USP24: variants seen among roughly 807,000 people sequenced by gnomAD.
USP24 encodes ubiquitin carboxyl-terminal hydrolase 24.
USP24 carries 97 observed loss-of-function variants against 361.6 expected under a neutral mutation model. The observed-to-expected ratio is 0.27, with a 90% CI of 0.23 to 0.32. The LOEUF is 0.32. USP24 is among the 10% of genes least tolerant of loss of function. USP24 has a pLI of 1.00. For missense variants in USP24, 2,353 were observed against 3,165.6 expected, an observed-to-expected ratio of 0.74 and a Z score of 6.16; for synonymous variants, 1,098 against 1,124.6, an observed-to-expected ratio of 0.98 and a Z score of 0.47.
At chr1:55,167,991 C>T (rs575588413) in intron 5 of USP24, among the ~76,000 whole-genome samples, 46 of 152,062 alleles carry the variant, frequency 3.0e-4, no homozygotes, top group African/African-American at 1.1e-3. Flanking sequence ...AATTGGAGGG[C>T]CATCGGCATA....
intron 43 of USP24, 121 bp from the exon 44 acceptor site, chr1:55,101,085 G>T: frequency 8.7e-7 from 1 of 1,151,728 alleles, no homozygotes; most frequent in Non-Finnish European, 1.2e-6. Context: ...TTTGGACATG[G>T]CTATAATGCT....
Position 55,208,793 on chromosome 1 carries a change from G to A in USP24, c.324+5997C>T, listed in dbSNP as rs568218947. Among the ~76,000 whole-genome samples, 44 of 151,982 alleles carry A rather than the reference G, an allele frequency of 2.9e-4. 1 individual carries two copies. Among genetic ancestry groups the A allele is most frequent in the South Asian group, 2.3e-3 (11 of 4,810 alleles). On this transcript the variant is annotated intron_variant, in intron 1 of 67. Coordinates refer to ENST00000294383, the MANE Select transcript of USP24 (RefSeq NM_015306.3). ...TCTACTAAAAATACAAAAATTAGCA[G>A]AGCGTGGTGGCAGGCGCCTGTAATC... is the stretch of plus-strand genomic sequence containing the variant.
intron 59 of USP24, among the ~76,000 whole-genome samples, chr1:55,081,023 T>C (rs17111584): frequency 0.073 from 11,147 of 152,118 alleles, 594 homozygotes; most frequent in African/African-American, 0.15. Context: ...CACACAGTAG[T>C]GGTTCAAATT....
chr1:55,195,278 TA>T (rs1041504545), intron 1 of USP24, among the ~76,000 whole-genome samples: 3 of 152,222 alleles, frequency 2.0e-5, no homozygotes, highest in Admixed American at 6.5e-5. Flanking sequence ...TGTATAGCTG[TA>T]GGCTGCTCTC....
At chr1:55,199,304 C>T (rs1263890054) in intron 1 of USP24, among the ~76,000 whole-genome samples, 1 of 149,276 alleles carries the variant, frequency 6.7e-6, no homozygotes, top group East Asian at 2.0e-4. Context: ...AACAAAAAAA[C>T]AAAACAAAAA....
intron 5 of USP24, among the ~76,000 whole-genome samples, chr1:55,169,762 C>T (rs1241035677): frequency 6.6e-6 from 1 of 152,060 alleles, no homozygotes; most frequent in East Asian, 1.9e-4. Context: ...AAGTAAAGTT[C>T]AGGCCATCAA....
At chr1:55,138,581 T>C (rs754049680) in intron 26 of USP24, 27 bp downstream of exon 26, 6 of 1,480,956 alleles carry the variant, frequency 4.1e-6, no homozygotes, top group Non-Finnish European at 2.8e-6. Context: ...AACATGAAAA[T>C]GGCTGTAGTT....
Position 55,101,592 on chromosome 1 carries a change from G to A in USP24, c.5137C>T (p.Leu1713Phe). Residue 1713 changes from leucine to phenylalanine, a missense_variant, in exon 43 of 68, where the codon CTC (leucine) becomes TTC (phenylalanine). Physicochemically the swap from Leu to Phe is conservative, Grantham distance 22. Around this residue, in one of 8 missense-constraint regions of USP24, gnomAD observed 949 missense variants for 1,280.5 expected, o/e 0.74. Transcript: ENST00000294383. Reference protein sequence around the residue: ...VFQQLYMQPGLPESLLSVDDD... With the variant: ...VFQQLYMQPGFPESLLSVDDD... ...TAGAAAAAAGAAATCACCTCAGGGAGCCCAGGTTGCATATACAGCTGCTGG... is the reference window on the plus strand; with the variant it reads ...TAGAAAAAAGAAATCACCTCAGGGAACCCAGGTTGCATATACAGCTGCTGG... 1.2e-6 allele frequency: 2 copies of A among 1,610,540 alleles called. No homozygotes were observed. The highest frequency in any genetic ancestry group is 2.2e-5 in the South Asian group (2 of 90,100).
chr1:55,138,069 A>G (rs922241485), intron 26 of USP24, among the ~76,000 whole-genome samples, 165 bp from the exon 27 acceptor site: 3 of 152,124 alleles, frequency 2.0e-5, no homozygotes, highest in Non-Finnish European at 2.9e-5. Context: ...CCCTTCTGCT[A>G]TAATTATGTT....
intron 1 of USP24, among the ~76,000 whole-genome samples, chr1:55,190,955 A>G (rs982692114): frequency 3.9e-5 from 6 of 152,236 alleles, no homozygotes; most frequent in African/African-American, 7.2e-5. Flanking sequence ...ACTTGAGTCA[A>G]TATCTTTGCT....
At chr1:55,097,897 C>G in intron 47 of USP24, 46 bp downstream of exon 47, 1 of 1,557,526 alleles carries the variant, frequency 6.4e-7, no homozygotes, top group Non-Finnish European at 8.6e-7. Flanking sequence ...ACGCACTATG[C>G]GAATAACAAA....
At chr1:55,120,281 AG>A (rs1444153450) in intron 38 of USP24, among the ~76,000 whole-genome samples, 1 of 152,144 alleles carries the variant, frequency 6.6e-6, no homozygotes, top group Non-Finnish European at 1.5e-5. Context: ...ACAAGGGGAG[AG>A]GATCAGTATA....
Position 55,210,233 on chromosome 1 carries a change from G to GAT in USP24, c.324+4555_324+4556dup, listed in dbSNP as rs922341878. Among the ~76,000 whole-genome samples the GAT allele has an allele frequency of 4.6e-5, 7 of 152,232 alleles. No individual in the cohort carries two copies. The East Asian group carries it at 7.7e-4, about 17-fold the overall frequency. On this transcript the variant is annotated intron_variant, in intron 1 of 67. Coordinates refer to ENST00000294383, the MANE Select transcript of USP24 (RefSeq NM_015306.3). Reference sequence around the variant, plus strand: ...ACTCACAGACCTAATTCCCAAAGGAGATATATATACATATACTGGATCAGA... The same window carrying GAT: ...ACTCACAGACCTAATTCCCAAAGGAGATATATATATACATATACTGGATCAGA...
intron 55 of USP24, among the ~76,000 whole-genome samples, chr1:55,087,414 A>G (rs1038929380): frequency 6.6e-6 from 1 of 152,260 alleles, no homozygotes; most frequent in African/African-American, 2.4e-5. Flanking sequence ...CTGCTTGGAC[A>G]TAAGGGAATG....
chr1:55,170,303 A>G (rs902472530), intron 5 of USP24, among the ~76,000 whole-genome samples: 3 of 152,120 alleles, frequency 2.0e-5, no homozygotes, highest in Admixed American at 1.3e-4. Context: ...AGGAAACACA[A>G]AGACTGCACC....
chr1:55,117,466 C>T (rs1316417365), intron 38 of USP24, among the ~76,000 whole-genome samples: 3 of 152,206 alleles, frequency 2.0e-5, no homozygotes, highest in South Asian at 2.1e-4. Context: ...CGGTGGCTCA[C>T]GCCTGTAATC....
intron 1 of USP24, among the ~76,000 whole-genome samples, chr1:55,188,788 G>C (rs1046427938): frequency 4.0e-5 from 6 of 151,262 alleles, no homozygotes; most frequent in Non-Finnish European, 8.8e-5. Flanking sequence ...GTGAAACCCC[G>C]TCTCTACTAA....
intron 8 of USP24, 122 bp downstream of exon 8, chr1:55,162,077 G>A: frequency 1.2e-6 from 1 of 808,436 alleles, no homozygotes; most frequent in Non-Finnish European, 1.9e-6. Flanking sequence ...TAAAAGGACA[G>A]CTAATGTGAA....
intron 60 of USP24, among the ~76,000 whole-genome samples, chr1:55,079,052 G>C (rs1355838851): frequency 6.6e-6 from 1 of 152,014 alleles, no homozygotes; most frequent in African/African-American, 2.4e-5. Context: ...AAATCAGGTA[G>C]GGAAGAAGGA....
Sources: allele counts gnomAD v4.1 joint callset (sites outside exome capture counted in the v4.1 genomes callset), GRCh38; gene constraint gnomAD v4.1.1; regional missense constraint gnomAD v4.1.1; transcripts MANE v1.5; gene names NCBI Gene and HGNC (gene_info 2026-07-23, HGNC 2026-07-21).